The following ATP6V1B2 variants were observed in gnomAD, a reference collection of about 807,000 sequenced individuals.
ATP6V1B2 encodes the protein V-type proton ATPase subunit B, brain isoform.
Under a neutral mutation model 66.7 loss-of-function variants are expected in ATP6V1B2, and 23 were observed. The ratio of observed to expected loss-of-function variants is 0.34; its 90% CI spans 0.25 to 0.49. The LOEUF is 0.49. ATP6V1B2 is among the 20% of genes least tolerant of loss of function. ATP6V1B2 has a pLI of 0.99. For missense variants in ATP6V1B2, 478 were observed against 650.8 expected (o/e 0.73, Z 2.89); for synonymous variants, 278 against 236.7 (o/e 1.17, Z -1.60).
Position 20,197,527 on chromosome 8 carries a change from T to C in ATP6V1B2, c.121T>C (p.Ser41Pro). 1 of 1,449,698 alleles carries C rather than the reference T, an allele frequency of 6.9e-7. No individual in the cohort carries two copies. Among genetic ancestry groups the C allele is most frequent in the Non-Finnish European group, 9.1e-7 (1 of 1,095,580 alleles). The allele number at this position is 1,449,698 out of a possible 1,614,324, so 89.8% of individuals were successfully genotyped here. ...GCTGGCAGTCAGTCGGAACTACCTC[T>C]CCCAGCCTCGCCTCAGTGAGTATCA... is the stretch of plus-strand genomic sequence containing the variant. ...QALAVSRNYLSQPRLTYKTVS... is the reference protein window; with the variant it reads ...QALAVSRNYLPQPRLTYKTVS... Residue 41 changes from serine to proline, a missense_variant, in exon 1 of 14, where the codon TCC (serine) becomes CCC (proline). By Grantham distance (74) the Ser-to-Pro change is moderately conservative. Transcript: ENST00000276390.
rs2072810949 is a variant in ATP6V1B2, at chr8:20,212,961, A to G, written c.927+56A>G. 4.3e-5 allele frequency: 69 copies of G among 1,604,308 alleles called. No homozygotes were observed. The South Asian group carries it at 7.6e-4, about 18-fold the overall frequency. On this transcript the variant is annotated intron_variant, in intron 9 of 13. Transcript: ENST00000276390. ...ACAAAATTGGTTAATTTTCAGGGTTAACTTGTCACTTTGCAAGTTTTCATT... is the reference window on the plus strand; with the variant it reads ...ACAAAATTGGTTAATTTTCAGGGTTGACTTGTCACTTTGCAAGTTTTCATT...
At chr8:20,204,595 C>G (rs2072719389) in intron 2 of ATP6V1B2, 56 bp downstream of exon 2, 1 of 1,463,194 alleles carries the variant, frequency 6.8e-7, no homozygotes. Context: ...GGCATTAAGT[C>G]CTATTTAGTA....
chr8:20,214,273 C>G (rs1217084647), intron 9 of ATP6V1B2: 1 of 152,382 alleles, frequency 6.6e-6, no homozygotes, highest in Admixed American at 6.5e-5. Flanking sequence ...GGACTCCTGA[C>G]TTTGTGACCT....
At chr8:20,210,471 TCTGTTTCCTTTTAAA>T (rs2072781724) in intron 4 of ATP6V1B2, 32 bp downstream of exon 4, 1 of 1,608,672 alleles carries the variant, frequency 6.2e-7, no homozygotes, top group South Asian at 1.1e-5. Flanking sequence ...TAAGCCGAGA[TCTGTTTCCTTTTAAA>T]CATATTTCCA....
chr8:20,212,470 A>G (rs2072804924), intron 8 of ATP6V1B2, among the ~76,000 whole-genome samples: 2 of 152,142 alleles, frequency 1.3e-5, no homozygotes, highest in Non-Finnish European at 2.9e-5. Context: ...CTAATACACA[A>G]TCAACTCTCT....
intron 1 of ATP6V1B2, among the ~76,000 whole-genome samples, chr8:20,201,872 A>G (rs2072691022): frequency 6.6e-6 from 1 of 152,146 alleles, no homozygotes; most frequent in African/African-American, 2.4e-5. Flanking sequence ...TTCTGGTGGG[A>G]CTTGAAAGAG....
chr8:20,214,661 T>G, intron 9 of ATP6V1B2, 157 bp from the exon 10 acceptor site: 1 of 811,770 alleles, frequency 1.2e-6, no homozygotes, highest in Non-Finnish European at 1.7e-6. Context: ...TGAATTTATG[T>G]TGCCGGGAGA....
intron 9 of ATP6V1B2, 102 bp downstream of exon 9, chr8:20,213,007 A>T: frequency 6.8e-7 from 1 of 1,474,870 alleles, no homozygotes; most frequent in Non-Finnish European, 9.3e-7. Context: ...TTTTAATTCC[A>T]CTGTTCATAT....
intron 5 of ATP6V1B2, among the ~76,000 whole-genome samples, 174 bp from the exon 6 acceptor site, chr8:20,211,003 T>G (rs1471271381): frequency 2.0e-5 from 3 of 152,068 alleles, no homozygotes; most frequent in African/African-American, 7.2e-5. Flanking sequence ...AAGGAAAAAA[T>G]TATTTCAAGT....
rs2072725135 is a variant in ATP6V1B2, at chr8:20,205,109, G to T, written c.192+570G>T. On this transcript the variant is annotated intron_variant, in intron 2 of 13. Coordinates refer to ENST00000276390, the MANE Select transcript of ATP6V1B2 (RefSeq NM_001693.4). ...CTGAAGTTGTACAAGATTTAGGCAG[G>T]TGCCCATTAACGTTTTGTAAAAGAA... Among the ~76,000 whole-genome samples, 2 of 152,148 alleles carry T rather than the reference G, an allele frequency of 1.3e-5. 1 individual carries two copies. The highest frequency in any genetic ancestry group is 4.1e-4 in the South Asian group (2 of 4,836).
chr8:20,200,228 G>A (rs11988535), intron 1 of ATP6V1B2, among the ~76,000 whole-genome samples: 1,952 of 151,886 alleles, frequency 0.013, 75 homozygotes, highest in African/African-American at 0.045. Context: ...ATGTTGCCCA[G>A]GCTGGTCTAC....
intron 8 of ATP6V1B2, 151 bp downstream of exon 8, chr8:20,212,350 A>T: frequency 1.4e-6 from 1 of 719,228 alleles, no homozygotes; most frequent in Non-Finnish European, 2.3e-6. Context: ...CTTGGTAGTT[A>T]TCTGGCACTG....
chr8:20,220,185 C>T, intron 13 of ATP6V1B2, 78 bp from the exon 14 acceptor site: 1 of 1,482,862 alleles, frequency 6.7e-7, no homozygotes, highest in Non-Finnish European at 9.1e-7. Context: ...CACTGCTAGT[C>T]ATATAACAAT....
rs941218763 is a variant in ATP6V1B2, at chr8:20,212,869, A to G, written c.891A>G (p.Leu297=). ...YQCEKHVLVI[L]TDMSSYAEAL... ...GTGAGAAACATGTATTGGTTATTCT[A>G]ACAGACATGAGTTCTTATGCTGAAG... Residue 297 remains leucine (L), a synonymous_variant, in exon 9 of 14, where the codon CTA becomes CTG. Coordinates refer to ENST00000276390, the MANE Select transcript of ATP6V1B2 (RefSeq NM_001693.4). 3 of 1,613,664 alleles carry G rather than the reference A, an allele frequency of 1.9e-6. No individual in the cohort carries two copies. Among genetic ancestry groups the G allele is most frequent in the East Asian group, 2.2e-5 (1 of 44,878 alleles).
intron 2 of ATP6V1B2, among the ~76,000 whole-genome samples, chr8:20,206,815 G>A (rs189308850): frequency 6.6e-5 from 10 of 152,232 alleles, no homozygotes; most frequent in African/African-American, 1.7e-4. Flanking sequence ...GGAAGTCAGG[G>A]GATGGGGCTG....
chr8:20,201,443 T>C (rs766915963), intron 1 of ATP6V1B2, among the ~76,000 whole-genome samples: 3 of 152,182 alleles, frequency 2.0e-5, no homozygotes, highest in African/African-American at 4.8e-5. Context: ...GTGTTTGTTA[T>C]CATTCTGCTT....
Position 20,210,438 on chromosome 8 carries a change from T to C in ATP6V1B2, c.384T>C (p.Leu128=). The change falls in exon 4 of 14, where the codon CTT becomes CTC. Residue 128 remains leucine (L), a splice_region_variant and synonymous_variant. Coordinates refer to ENST00000276390, the MANE Select transcript of ATP6V1B2 (RefSeq NM_001693.4). ...GAACACCGGTGTCTGAGGATATGCT[T>C]GGTAAATGGATATTATTCATTCTAA... is the stretch of plus-strand genomic sequence containing the variant. The part of the protein sequence containing the change: ...ILRTPVSEDM[L]GRVFNGSGKP... The C allele has an allele frequency of 6.2e-7, 1 of 1,613,074 alleles. No homozygotes were observed. The highest frequency in any genetic ancestry group is 8.5e-7 in the Non-Finnish European group (1 of 1,179,222).
At chr8:20,203,810 C>T (rs2072710374) in intron 1 of ATP6V1B2, 1 of 357,558 alleles carries the variant, frequency 2.8e-6, no homozygotes. Flanking sequence ...AGTCTCTAAC[C>T]TGGCAGTAAC....
intron 11 of ATP6V1B2, chr8:20,216,918 G>T (rs1303884840): frequency 6.5e-6 from 2 of 305,690 alleles, no homozygotes; most frequent in East Asian, 1.2e-4. Flanking sequence ...AGACCATTTT[G>T]ACTCGATAAT....
Sources: allele counts gnomAD v4.1 joint callset (sites outside exome capture counted in the v4.1 genomes callset), GRCh38; gene constraint gnomAD v4.1.1; transcripts MANE v1.5; gene names NCBI Gene and HGNC (gene_info 2026-07-23, HGNC 2026-07-21).